KTN1: variants seen among roughly 807,000 people sequenced by gnomAD.
KTN1 encodes kinectin.
In KTN1, 130 loss-of-function variants were observed where a neutral mutation model predicts 222.5. That is an observed-to-expected ratio of 0.58 (90% CI 0.51 to 0.68). The LOEUF (loss-of-function observed/expected upper bound fraction) is 0.68, where lower values mean the gene tolerates loss of function less well. KTN1 is among the 30% of genes least tolerant of loss of function. The probability of loss-of-function intolerance (pLI) is 0.00; values close to 1 mark genes in which losing one functional copy is unlikely to be tolerated. For synonymous variants in KTN1, 512 were observed against 496.3 expected, an observed-to-expected ratio of 1.03 and a Z score of -0.42; for missense variants, 1,508 against 1,500.4, an observed-to-expected ratio of 1.01 and a Z score of -0.08.
chr14:55,683,461 CCAAT>C, intron 43 of KTN1: 1 of 152,192 alleles, frequency 6.6e-6, no homozygotes, highest in East Asian at 1.9e-4. Context: ...CATTGTTTTA[CCAAT>C]CAGTGGTACC....
At chr14:55,650,764 A>G (rs934903475) in intron 24 of KTN1, 127 bp downstream of exon 24, 11 of 585,378 alleles carry the variant, frequency 1.9e-5, no homozygotes, top group Non-Finnish European at 3.0e-5. Flanking sequence ...TGTGCTTTTA[A>G]TTTTATTTTT....
At chr14:55,649,669 A>G (rs1261517495) in intron 21 of KTN1, 107 bp from the exon 22 acceptor site, 3 of 678,844 alleles carry the variant, frequency 4.4e-6, no homozygotes, top group African/African-American at 1.9e-5. Flanking sequence ...GGCTTTTCCC[A>G]TTTGGATTTT....
intron 1 of KTN1, 53 bp from the exon 2 acceptor site, chr14:55,611,966 T>G: frequency 1.1e-5 from 9 of 831,832 alleles, no homozygotes; most frequent in East Asian, 2.9e-5. Context: ...TTAATTTTTA[T>G]GAGACTGACA....
At position 55,653,067 on chromosome 14, in the gene KTN1, A is replaced by G. The variant is rs770174732; in HGVS notation, c.2745A>G (p.Ala915=). The G allele has an allele frequency of 6.3e-6, 10 of 1,596,886 alleles. No individual in the cohort carries two copies. ...ESLKAHVQEV[A]QHNLKEASSA... ...TAAAAGCACATGTTCAGGAAGTAGCACAACATAACTTGAAAGAGGTATAGT... is the reference window on the plus strand; with the variant it reads ...TAAAAGCACATGTTCAGGAAGTAGCGCAACATAACTTGAAAGAGGTATAGT... The change falls in exon 27 of 44, where the codon GCA becomes GCG. Residue 915 remains alanine, a synonymous_variant. Transcript: ENST00000395314.
At chr14:55,614,242 A>G (rs2038022798) in intron 2 of KTN1, among the ~76,000 whole-genome samples, 1 of 152,186 alleles carries the variant, frequency 6.6e-6, no homozygotes, top group African/African-American at 2.4e-5. Context: ...TTTCTGTTTT[A>G]GAAAGATTTT....
intron 1 of KTN1, among the ~76,000 whole-genome samples, chr14:55,605,039 A>G (rs1451792417): frequency 1.3e-5 from 2 of 152,144 alleles, no homozygotes; most frequent in Non-Finnish European, 2.9e-5. Flanking sequence ...ACCTATTCCT[A>G]TATTCTTAAT....
chr14:55,662,722 GT>G (rs2141238216), intron 32 of KTN1, among the ~76,000 whole-genome samples: 1 of 152,218 alleles, frequency 6.6e-6, no homozygotes, highest in East Asian at 1.9e-4. Context: ...GTGTTAAATT[GT>G]TAATTTAACA....
At chr14:55,590,393 A>G (rs978330580) in intron 1 of KTN1, among the ~76,000 whole-genome samples, 2 of 152,248 alleles carry the variant, frequency 1.3e-5, no homozygotes, top group African/African-American at 4.8e-5. Context: ...CTTTTAAAAT[A>G]AAATACGTAT....
intron 1 of KTN1, among the ~76,000 whole-genome samples, chr14:55,595,433 G>A (rs1254029736): frequency 2.8e-5 from 4 of 144,778 alleles, no homozygotes; most frequent in African/African-American, 1.0e-4. Context: ...CTAGTTGTCA[G>A]AATTTCTGCT....
chr14:55,669,636 A>C (rs72721589), intron 34 of KTN1, among the ~76,000 whole-genome samples: 41 of 152,158 alleles, frequency 2.7e-4, no homozygotes, highest in Non-Finnish European at 4.9e-4. Context: ...ACTTTAAGCA[A>C]CAAAACTAGT....
chr14:55,633,300 G>C lies in KTN1; in HGVS notation c.1287G>C (p.Leu429=). The C allele has an allele frequency of 6.3e-7, 1 of 1,594,340 alleles. No individual in the cohort carries two copies. ...ACTTGAAGCAGGAAAATGGTATACT[G>C]AGAGATGCAGTCAGCAACACTACAA... ...IAHLKQENGI[L]RDAVSNTTNQ... The change falls in exon 8 of 44, where the codon CTG becomes CTC. Residue 429 remains leucine (L), a synonymous_variant. Coordinates refer to ENST00000395314, the MANE Select transcript of KTN1 (RefSeq NM_001079521.2).
intron 28 of KTN1, among the ~76,000 whole-genome samples, chr14:55,654,733 G>C (rs897718871): frequency 1.3e-5 from 2 of 152,018 alleles, no homozygotes; most frequent in African/African-American, 4.8e-5. Flanking sequence ...GAAGTTCATA[G>C]TTTCCATTAG....
At position 55,619,219 on chromosome 14, in the gene KTN1, C is replaced by T. The variant is rs1303880253; in HGVS notation, c.870C>T (p.Ser290=). ...TGAAGTTTAAAGATTTTCTTCTGTC[C>T]TTGAAGACTATGATGTTTTCTGAAG... ...AEVKFKDFLL[S]LKTMMFSEDE... is the part of the protein sequence containing the mutation. The change falls in exon 5 of 44, where the codon TCC becomes TCT. Residue 290 remains serine (S), a synonymous_variant. Coordinates refer to ENST00000395314, the MANE Select transcript of KTN1 (RefSeq NM_001079521.2). The T allele has an allele frequency of 6.2e-7, 1 of 1,607,712 alleles. No individual in the cohort carries two copies. The highest frequency in any genetic ancestry group is 1.7e-5 in the Admixed American group (1 of 59,984).
chr14:55,637,622 T>A (rs2041288050), intron 11 of KTN1, among the ~76,000 whole-genome samples, 157 bp from the exon 12 acceptor site: 1 of 151,370 alleles, frequency 6.6e-6, no homozygotes. Flanking sequence ...ACTCAGATTG[T>A]CTAATCATTG....
intron 7 of KTN1, 64 bp from the exon 8 acceptor site, chr14:55,633,171 T>C (rs904298993): frequency 1.3e-5 from 10 of 785,734 alleles, no homozygotes; most frequent in Admixed American, 3.2e-5. Flanking sequence ...TAATAAAGTT[T>C]ATTTTAAAAG....
At position 55,652,914 on chromosome 14, in the gene KTN1, C is replaced by G. The variant is rs755145973; in HGVS notation, c.2668C>G (p.Leu890Val). 1.2e-6 allele frequency: 2 copies of G among 1,610,988 alleles called. No homozygotes were observed. The highest frequency in any genetic ancestry group is 1.3e-5 in the African/African-American group (1 of 74,748). ...KAVLEEKEKD[L>V]ANTGKWLQDL... is the part of the protein sequence containing the mutation. ...TGTTTTGGAAGAGAAAGAGAAAGAC[C>G]TAGCCAATACAGGGAAGTGGTTACA... Residue 890 changes from leucine to valine, a missense_variant, in exon 26 of 44, where the codon CTA becomes GTA. Coordinates refer to ENST00000395314, the MANE Select transcript of KTN1 (RefSeq NM_001079521.2).
intron 43 of KTN1, chr14:55,681,169 G>T (rs2046332229): frequency 6.4e-6 from 1 of 156,162 alleles, no homozygotes; most frequent in African/African-American, 2.4e-5. Context: ...CTATTTCAAT[G>T]AAATCATTTT....
chr14:55,647,671 T>C (rs1387768708), intron 19 of KTN1, among the ~76,000 whole-genome samples: 1 of 123,956 alleles, frequency 8.1e-6, no homozygotes, highest in Non-Finnish European at 1.6e-5. Context: ...GAGCCAGGCA[T>C]GGTGGCTGAT....
chr14:55,619,642 G>A (rs1477902821), intron 5 of KTN1, among the ~76,000 whole-genome samples: 1 of 152,010 alleles, frequency 6.6e-6, no homozygotes, highest in Non-Finnish European at 1.5e-5. Flanking sequence ...CAAGCGAAAG[G>A]GGTTTCCTCT....
Sources: gnomAD v4.1 joint callset for allele counts (sites outside exome capture counted in the v4.1 genomes callset) on GRCh38, gnomAD v4.1.1 for gene constraint, MANE v1.5 for transcripts, NCBI Gene and HGNC (gene_info 2026-07-23, HGNC 2026-07-21) for gene names.